The following SPAG17 variants were observed in gnomAD, a reference collection of about 807,000 sequenced individuals.
SPAG17 encodes sperm associated antigen 17.
A neutral mutation model predicts 273.6 loss-of-function variants in SPAG17; 169 were observed. That is an observed-to-expected ratio of 0.62 (90% confidence interval 0.55 to 0.70). SPAG17 has a LOEUF of 0.70. Ranked by LOEUF, SPAG17 falls within the 30% of genes least tolerant of loss-of-function variation. SPAG17 has a pLI of 0.00. For synonymous variants in SPAG17, 825 were observed against 873.2 expected (o/e 0.94, Z 0.97); for missense variants, 2,557 against 2,627.8 (o/e 0.97, Z 0.59).
intron 17 of SPAG17, among the ~76,000 whole-genome samples, chr1:118,071,920 T>C (rs1169558810): frequency 2.6e-5 from 4 of 152,132 alleles, no homozygotes; most frequent in Non-Finnish European, 4.4e-5. Context: ...GAAATGATTA[T>C]AGAAAATTTC....
At chr1:117,994,350 T>C in intron 35 of SPAG17, 56 bp downstream of exon 35, 1 of 1,536,498 alleles carries the variant, frequency 6.5e-7, no homozygotes. Flanking sequence ...TCTGGTCCAT[T>C]GCCCTTGGAT....
At chr1:118,060,566 C>G (rs574659350) in intron 18 of SPAG17, among the ~76,000 whole-genome samples, 1 of 152,076 alleles carries the variant, frequency 6.6e-6, no homozygotes, top group Non-Finnish European at 1.5e-5. Flanking sequence ...TATGAAACAC[C>G]ATTACAGTAT....
intron 1 of SPAG17, among the ~76,000 whole-genome samples, chr1:118,152,856 CTCAG>C (rs1328939850): frequency 2.0e-5 from 3 of 152,240 alleles, no homozygotes; most frequent in East Asian, 3.9e-4. Context: ...TGTCTGCTTC[CTCAG>C]TCAAAGCTGC....
intron 30 of SPAG17, among the ~76,000 whole-genome samples, chr1:118,010,516 G>C (rs1444178039): frequency 1.3e-5 from 2 of 152,164 alleles, no homozygotes; most frequent in African/African-American, 2.4e-5. Context: ...GCCATATGCA[G>C]AAGATTGAAA....
At chr1:118,050,834 C>A (rs1650919630) in intron 20 of SPAG17, among the ~76,000 whole-genome samples, 1 of 151,772 alleles carries the variant, frequency 6.6e-6, no homozygotes, top group African/African-American at 2.4e-5. Context: ...TTGTTCTGGG[C>A]AGTGATGTTT....
intron 10 of SPAG17, among the ~76,000 whole-genome samples, chr1:118,090,786 C>G (rs898448416): frequency 6.6e-6 from 1 of 152,026 alleles, no homozygotes; most frequent in African/African-American, 2.4e-5. Flanking sequence ...ACTCAGGAGG[C>G]TGAAGTGGGA....
intron 1 of SPAG17, among the ~76,000 whole-genome samples, chr1:118,180,725 G>A (rs905288319): frequency 2.0e-5 from 3 of 151,654 alleles, no homozygotes; most frequent in South Asian, 2.1e-4. Context: ...CCTCTATTAC[G>A]TATGAATACA....
chr1:117,959,299 T>C (rs1652688527), intron 48 of SPAG17: 3 of 1,610,504 alleles, frequency 1.9e-6, no homozygotes, highest in Admixed American at 1.7e-5. Context: ...CAGGATGTTA[T>C]CGGCTTCAAT....
At chr1:118,125,246 T>TA (rs1657650789) in intron 3 of SPAG17, among the ~76,000 whole-genome samples, 1 of 125,612 alleles carries the variant, frequency 8.0e-6, no homozygotes, top group African/African-American at 5.1e-5. Flanking sequence ...TATATATATA[T>TA]TTTTGACATA....
intron 10 of SPAG17, among the ~76,000 whole-genome samples, chr1:118,087,614 A>C (rs1655093422): frequency 6.6e-6 from 1 of 152,238 alleles, no homozygotes; most frequent in African/African-American, 2.4e-5. Context: ...GAGATCAGTA[A>C]ATGTAATAGT....
At chr1:117,993,064 A>C (rs965025691) in intron 35 of SPAG17, among the ~76,000 whole-genome samples, 1 of 152,190 alleles carries the variant, frequency 6.6e-6, no homozygotes, top group South Asian at 2.1e-4. Flanking sequence ...TCTTTGCAAG[A>C]GAAATAATTC....
intron 32 of SPAG17, among the ~76,000 whole-genome samples, chr1:117,998,988 T>G (rs1254815660): frequency 6.9e-6 from 1 of 145,718 alleles, no homozygotes. Flanking sequence ...CCCAGCCTCC[T>G]ACCCCCGACA....
intron 4 of SPAG17, among the ~76,000 whole-genome samples, chr1:118,110,652 G>A (rs1157249609): frequency 6.6e-6 from 1 of 152,122 alleles, no homozygotes; most frequent in African/African-American, 2.4e-5. Flanking sequence ...ATTCCTCCTT[G>A]GTGAGTTTTG....
At chr1:118,086,810 T>C in intron 11 of SPAG17, 26 bp from the exon 12 acceptor site, 1 of 1,614,050 alleles carries the variant, frequency 6.2e-7, no homozygotes, top group Non-Finnish European at 8.5e-7. Flanking sequence ...CAATATTGAT[T>C]TAAAGAGAGG....
Position 118,081,475 on chromosome 1 carries a change from T to C in SPAG17, c.1930A>G (p.Lys644Glu). The C allele has an allele frequency of 1.2e-6, 2 of 1,613,892 alleles. No individual in the cohort carries two copies. The highest frequency in any genetic ancestry group is 1.7e-6 in the Non-Finnish European group (2 of 1,179,982). Reference sequence around the variant, plus strand: ...ATGACATATTGCTGCCTTATCTGTTTAGCAAATCTGGCAGGGTTGTCCCAC... The same window carrying C: ...ATGACATATTGCTGCCTTATCTGTTCAGCAAATCTGGCAGGGTTGTCCCAC... Reference protein sequence around the residue: ...IPWDNPARFAKQIRQQYVMKM... With the variant: ...IPWDNPARFAEQIRQQYVMKM... Residue 644 changes from lysine to glutamate, a missense_variant, in exon 14 of 49, where the codon AAA becomes GAA. By Grantham distance (56) the Lys-to-Glu change is moderately conservative. Transcript: ENST00000336338.
intron 28 of SPAG17, 43 bp downstream of exon 28, chr1:118,023,261 G>A: frequency 6.6e-7 from 1 of 1,525,460 alleles, no homozygotes; most frequent in African/African-American, 1.4e-5. Flanking sequence ...GCCCTTGAAG[G>A]CTTTACTAAA....
In SPAG17 at chr1:118,081,310, A is replaced by T; in HGVS notation, c.2000T>A (p.Ile667Asn). 6.2e-7 allele frequency: 1 copy of T among 1,613,952 alleles called. No homozygotes were observed. Among genetic ancestry groups the T allele is most frequent in the Non-Finnish European group, 8.5e-7 (1 of 1,179,928 alleles). The stretch of plus-strand genomic sequence containing the variant: ...ATCCACAAATAGTGTTCTGTCTTTG[A>T]TTTTAATATCTATTCAGTGTAAGGA... ...QEAKQKADIKIKDRTLFVDQN... is the reference protein window; with the variant it reads ...QEAKQKADIKNKDRTLFVDQN... Residue 667 changes from isoleucine (I) to asparagine (N), a missense_variant, in exon 15 of 49, where the codon ATC becomes AAC. Physicochemically the swap from Ile to Asn is moderately radical, Grantham distance 149 (BLOSUM62 -3). Transcript: ENST00000336338.
At chr1:118,176,684 A>G (rs1329242267) in intron 1 of SPAG17, among the ~76,000 whole-genome samples, 2 of 152,186 alleles carry the variant, frequency 1.3e-5, no homozygotes, top group East Asian at 1.9e-4. Flanking sequence ...GTTAAAATAC[A>G]CACTATACCA....
At position 117,982,393 on chromosome 1, in the gene SPAG17, C is replaced by T. The variant is rs370258947; in HGVS notation, c.5873-992G>A. Among the ~76,000 whole-genome samples the T allele has an allele frequency of 4.4e-4, 67 of 152,210 alleles. 1 individual carries two copies. In the East Asian group the frequency reaches 0.012, roughly 27 times the overall value. On this transcript the variant is annotated intron_variant, in intron 42 of 48. Coordinates refer to ENST00000336338, the MANE Select transcript of SPAG17 (RefSeq NM_206996.4). ...AGTAGTTGGGACTACAGGCACCCGC[C>T]ACCACGCCTGGCTAATTTTTTGTAT...
Sources: allele counts gnomAD v4.1 joint callset (sites outside exome capture counted in the v4.1 genomes callset), GRCh38; gene constraint gnomAD v4.1.1; transcripts MANE v1.5; gene names NCBI Gene and HGNC (gene_info 2026-07-23, HGNC 2026-07-21).